Variants in GAPVD1 observed in about 807,000 individuals in gnomAD.
GAPVD1 encodes the protein GTPase activating protein and VPS9 domains 1.
Under a neutral mutation model 155.5 loss-of-function variants are expected in GAPVD1, and 35 were observed. The ratio of observed to expected loss-of-function variants is 0.23; its 90% CI spans 0.17 to 0.30. The LOEUF (loss-of-function observed/expected upper bound fraction) is 0.30. Among genes scored for constraint, GAPVD1 ranks in the 10% least tolerant of loss-of-function variants. The pLI is 1.00. For missense variants in GAPVD1, 1,429 were observed against 1,775.7 expected (o/e 0.80, Z 3.51); for synonymous variants, 636 against 619.7 (o/e 1.03, Z -0.39).
At chr9:125,310,080 A>G in intron 8 of GAPVD1, 1 of 286,104 alleles carries the variant, frequency 3.5e-6, no homozygotes, top group South Asian at 3.2e-5. Flanking sequence ...AGTATGCTCC[A>G]TGTGCATGTT....
In GAPVD1 at chr9:125,302,589, A is replaced by C; in HGVS notation, c.792A>C (p.Lys264Asn). Reference protein sequence around the residue: ...NEAKLVALVNKFIGYLKQNTY... With the variant: ...NEAKLVALVNNFIGYLKQNTY... ...CAAAGCTAGTGGCTTTGGTGAACAA[A>C]TTTATTGGTTATCTCAAACAGAACA... The change falls in exon 5 of 28, where the codon AAA becomes AAC. Residue 264 changes from lysine (K) to asparagine (N), a missense_variant. Transcript: ENST00000297933. The C allele has an allele frequency of 6.2e-7, 1 of 1,614,036 alleles. No homozygotes were observed. Among genetic ancestry groups the C allele is most frequent in the Non-Finnish European group, 8.5e-7 (1 of 1,179,922 alleles).
At chr9:125,326,938 T>C (rs1248211961) in intron 12 of GAPVD1, among the ~76,000 whole-genome samples, 1 of 152,178 alleles carries the variant, frequency 6.6e-6, no homozygotes, top group Non-Finnish European at 1.5e-5. Context: ...GTATATTCTC[T>C]GTTTGAAGCC....
intron 1 of GAPVD1, among the ~76,000 whole-genome samples, chr9:125,262,417 ACACT>A (rs371444522): frequency 7.4e-4 from 113 of 152,236 alleles, no homozygotes; most frequent in African/African-American, 2.6e-3. Context: ...CCTAACACAG[ACACT>A]CACTGTACTT....
intron 6 of GAPVD1, among the ~76,000 whole-genome samples, chr9:125,305,560 G>A (rs1841646299): frequency 6.6e-6 from 1 of 151,934 alleles, no homozygotes; most frequent in East Asian, 1.9e-4. Flanking sequence ...TAGTAGAGAC[G>A]GGGTTTCACC....
At chr9:125,360,077 C>T (rs1042713936) in intron 26 of GAPVD1, among the ~76,000 whole-genome samples, 26 of 152,140 alleles carry the variant, frequency 1.7e-4, no homozygotes, top group African/African-American at 6.3e-4. Context: ...ATTACTGCAA[C>T]AATGGTACAT....
chr9:125,292,786 T>A (rs914860991), intron 2 of GAPVD1, among the ~76,000 whole-genome samples: 1 of 152,158 alleles, frequency 6.6e-6, no homozygotes, highest in South Asian at 2.1e-4. Context: ...TTCTGGGGCT[T>A]CCATTTGGCT....
intron 2 of GAPVD1, among the ~76,000 whole-genome samples, chr9:125,276,808 A>G (rs1835865335): frequency 6.6e-6 from 1 of 152,266 alleles, no homozygotes; most frequent in East Asian, 1.9e-4. Context: ...GCCTGAGATG[A>G]AGAGCAGTGG....
At chr9:125,314,674 C>CAAA (rs1195742192) in intron 9 of GAPVD1, among the ~76,000 whole-genome samples, 1 of 150,636 alleles carries the variant, frequency 6.6e-6, no homozygotes, top group Non-Finnish European at 1.5e-5. Context: ...CAAAACAAAA[C>CAAA]AAAAAACAGA....
intron 15 of GAPVD1, among the ~76,000 whole-genome samples, chr9:125,334,178 A>G (rs141872677): frequency 2.6e-5 from 4 of 151,532 alleles, no homozygotes; most frequent in African/African-American, 7.3e-5. Context: ...CCGTGTCGAC[A>G]TTTGTACTTA....
At chr9:125,280,338 G>A (rs1464704190) in intron 2 of GAPVD1, among the ~76,000 whole-genome samples, 1 of 147,650 alleles carries the variant, frequency 6.8e-6, no homozygotes, top group East Asian at 2.1e-4. Context: ...GGAGGTTGTG[G>A]TGAGCCGAGA....
At chr9:125,263,444 T>C (rs1319754719) in intron 1 of GAPVD1, 1 of 551,702 alleles carries the variant, frequency 1.8e-6, no homozygotes, top group Non-Finnish European at 3.3e-6. Context: ...CGAGACTCCG[T>C]CTCAAAAAAC....
intron 20 of GAPVD1, among the ~76,000 whole-genome samples, chr9:125,347,651 C>T (rs1355722048): frequency 7.9e-5 from 12 of 151,468 alleles, no homozygotes; most frequent in African/African-American, 2.7e-4. Context: ...TCCCAGGAGG[C>T]GGAGGTTGCA....
chr9:125,357,355 G>C (rs1030676337), intron 25 of GAPVD1, among the ~76,000 whole-genome samples: 3 of 152,164 alleles, frequency 2.0e-5, no homozygotes, highest in Admixed American at 6.5e-5. Flanking sequence ...AAGGCAGGTG[G>C]ATCACCTGAG....
chr9:125,356,789 A>G (rs1850142878), intron 25 of GAPVD1, among the ~76,000 whole-genome samples: 1 of 152,198 alleles, frequency 6.6e-6, no homozygotes, highest in South Asian at 2.1e-4. Flanking sequence ...CTCCTGCCTC[A>G]GCCTCCCAAG....
At chr9:125,333,843 C>G (rs1317762392) in intron 15 of GAPVD1, among the ~76,000 whole-genome samples, 1 of 152,074 alleles carries the variant, frequency 6.6e-6, no homozygotes, top group Non-Finnish European at 1.5e-5. Context: ...GTTTTTTAAC[C>G]TTAACACCAT....
rs1845852746 is a variant in GAPVD1, at chr9:125,329,992, G to T, written c.2033-86G>T. Reference sequence around the variant, plus strand: ...CCACCGCGCCCAGCCAGGAGATTTTGTTAGCTAGTGTTTGGCTTTTCTCCA... The same window carrying T: ...CCACCGCGCCCAGCCAGGAGATTTTTTTAGCTAGTGTTTGGCTTTTCTCCA... On this transcript the variant is annotated intron_variant, in intron 12 of 27. Transcript: ENST00000297933. The T allele has an allele frequency of 6.3e-6, 7 of 1,110,044 alleles. 1 individual carries two copies. The South Asian group carries it at 9.7e-5, about 15-fold the overall frequency. The allele number at this position is 1,110,044 out of a possible 1,614,324, so 68.8% of individuals were successfully genotyped here. A position where few individuals can be genotyped will look rare whatever the true frequency, so the allele number is the denominator to read the frequency against.
intron 2 of GAPVD1, among the ~76,000 whole-genome samples, chr9:125,293,639 T>A (rs1222347406): frequency 3.0e-5 from 4 of 131,714 alleles, no homozygotes; most frequent in African/African-American, 1.1e-4. Context: ...TATATATATA[T>A]AATATAAAAA....
rs1208962817 is a variant in GAPVD1, at chr9:125,348,189, GGGACCACAA to G, written c.3170-1199_3170-1191del. 2.6e-5 allele frequency among the ~76,000 whole-genome samples: 4 copies of G among 152,182 alleles called. No homozygotes were observed. In the East Asian group the frequency reaches 7.7e-4, roughly 29 times the overall value. On this transcript the variant is annotated intron_variant, in intron 20 of 27. Coordinates refer to ENST00000297933, the MANE Select transcript of GAPVD1 (RefSeq NM_001282680.3). ...TCCCATCTCAGCTTCCTGAGTAGCT[GGGACCACAA>G]GCACGTTCCACTGTGCCCAGCTAAC...
chr9:125,278,274 A>C (rs2132042867), intron 2 of GAPVD1, among the ~76,000 whole-genome samples: 1 of 152,326 alleles, frequency 6.6e-6, no homozygotes, highest in East Asian at 1.9e-4. Flanking sequence ...TAATCCCAGC[A>C]CTTTGGGAGG....
Sources: gnomAD v4.1 joint callset for allele counts (sites outside exome capture counted in the v4.1 genomes callset) on GRCh38, gnomAD v4.1.1 for gene constraint, MANE v1.5 for transcripts, NCBI Gene and HGNC (gene_info 2026-07-23, HGNC 2026-07-21) for gene names.